ADGRB3: variants seen among roughly 807,000 people sequenced by gnomAD.
ADGRB3 encodes brain-specific angiogenesis inhibitor 3.
In ADGRB3, 37 loss-of-function variants were observed where a neutral mutation model predicts 193.4. The observed-to-expected ratio is 0.19, with a 90% CI of 0.15 to 0.25. ADGRB3 has a LOEUF of 0.25. Ranked by LOEUF, ADGRB3 falls within the 10% of genes least tolerant of loss-of-function variation. The pLI is 1.00. For missense variants in ADGRB3, 1,637 were observed against 1,852.9 expected, an observed-to-expected ratio of 0.88 and a Z score of 2.14; for synonymous variants, 690 against 644.2, an observed-to-expected ratio of 1.07 and a Z score of -1.08.
chr6:69,090,525 A>G (rs1772675261), intron 17 of ADGRB3, among the ~76,000 whole-genome samples: 2 of 152,212 alleles, frequency 1.3e-5, no homozygotes, highest in Non-Finnish European at 2.9e-5. Context: ...TCATTTATTC[A>G]TTTATTATTT....
chr6:69,233,069 C>G (rs1766182250), intron 17 of ADGRB3: 1 of 599,832 alleles, frequency 1.7e-6, no homozygotes, highest in Non-Finnish European at 2.8e-6. Flanking sequence ...CTGGACAGCT[C>G]TCTGCACGCC....
rs77947189 is a variant in ADGRB3, at chr6:68,714,367, ATT to A, written c.757+74943_757+74944del. Among the ~76,000 whole-genome samples, 3 of 151,126 alleles carry A rather than the reference ATT, an allele frequency of 2.0e-5. No individual in the cohort carries two copies. The South Asian group carries it at 6.3e-4, about 32-fold the overall frequency. ...AATAAGGAGATTTTTAATTAGTCAA[ATT>A]TTTTTTTGTCACCATATGGTGACAG... On this transcript the variant is annotated intron_variant, in intron 3 of 31. Coordinates refer to ENST00000370598, the MANE Select transcript of ADGRB3 (RefSeq NM_001704.3).
At chr6:68,637,351 TTAAC>T (rs1302747164) in intron 1 of ADGRB3, 36 bp from the exon 2 acceptor site, 1 of 152,686 alleles carries the variant, frequency 6.5e-6, no homozygotes, top group Non-Finnish European at 1.5e-5. Context: ...ATGAAAACTC[TTAAC>T]TATCTATATG....
intron 3 of ADGRB3, among the ~76,000 whole-genome samples, chr6:68,780,638 T>A (rs1766834978): frequency 1.3e-5 from 2 of 152,164 alleles, no homozygotes; most frequent in African/African-American, 4.8e-5. Flanking sequence ...CTATAAACTT[T>A]GTACTTCAAC....
At chr6:69,242,255 G>A (rs62406855) in intron 20 of ADGRB3, among the ~76,000 whole-genome samples, 20,528 of 151,824 alleles carry the variant, frequency 0.14, 1,448 homozygotes, top group Middle Eastern at 0.16. Context: ...GTAAAATATT[G>A]TTCAATAACT....
chr6:69,266,394 T>G (rs1767040098), intron 20 of ADGRB3, among the ~76,000 whole-genome samples: 1 of 151,986 alleles, frequency 6.6e-6, no homozygotes, highest in Admixed American at 6.6e-5. Context: ...GCCTCAAGTC[T>G]CTTGAAGCTT....
chr6:68,798,520 G>T (rs1268375332), intron 3 of ADGRB3, among the ~76,000 whole-genome samples: 2 of 150,808 alleles, frequency 1.3e-5, no homozygotes, highest in African/African-American at 4.9e-5. Flanking sequence ...ACATCACACA[G>T]TGGGGCCTGT....
chr6:69,011,943 C>T (rs533189556), intron 11 of ADGRB3, among the ~76,000 whole-genome samples: 20 of 152,108 alleles, frequency 1.3e-4, no homozygotes, highest in East Asian at 1.9e-4. Flanking sequence ...CTTCCCACTC[C>T]GATTTAGTAA....
At chr6:69,025,634 C>T (rs1291075353) in intron 13 of ADGRB3, among the ~76,000 whole-genome samples, 1 of 151,800 alleles carries the variant, frequency 6.6e-6, no homozygotes, top group Non-Finnish European at 1.5e-5. Context: ...CTCTTTACCA[C>T]CCTTGCTAAA....
intron 3 of ADGRB3, among the ~76,000 whole-genome samples, chr6:68,897,460 GGGAGGAAA>G (rs1442693289): frequency 7.7e-5 from 5 of 64,642 alleles, no homozygotes; most frequent in Admixed American, 1.6e-4. Context: ...GAGGGAGGGA[GGGAGGAAA>G]GGGAGGGAGG....
At chr6:69,247,855 G>T (rs1355503117) in intron 20 of ADGRB3, among the ~76,000 whole-genome samples, 1 of 151,926 alleles carries the variant, frequency 6.6e-6, no homozygotes, top group African/African-American at 2.4e-5. Context: ...CTTCATTTTT[G>T]GGGGCCCCAT....
intron 14 of ADGRB3, 137 bp downstream of exon 14, chr6:69,048,471 T>C (rs1458637515): frequency 1.1e-6 from 1 of 916,038 alleles, no homozygotes; most frequent in Non-Finnish European, 1.6e-6. Context: ...ATTTTCTAAA[T>C]ATGGACAACT....
At chr6:68,745,321 A>G (rs1766062603) in intron 3 of ADGRB3, among the ~76,000 whole-genome samples, 1 of 152,228 alleles carries the variant, frequency 6.6e-6, no homozygotes, top group Admixed American at 6.5e-5. Flanking sequence ...TGAGGACATT[A>G]TGCTAAGTGA....
At chr6:68,666,143 G>A (rs1462981318) in intron 3 of ADGRB3, among the ~76,000 whole-genome samples, 2 of 151,768 alleles carry the variant, frequency 1.3e-5, no homozygotes, top group African/African-American at 2.4e-5. Flanking sequence ...TCACAAACTA[G>A]CAGACCTGAG....
chr6:68,920,782 A>C (rs1422884076), intron 3 of ADGRB3, among the ~76,000 whole-genome samples: 2 of 151,686 alleles, frequency 1.3e-5, no homozygotes, highest in African/African-American at 4.9e-5. Context: ...AAAGAAGACA[A>C]ATGAAGAAAC....
At chr6:68,851,703 T>C (rs1183292741) in intron 3 of ADGRB3, among the ~76,000 whole-genome samples, 1 of 151,876 alleles carries the variant, frequency 6.6e-6, no homozygotes, top group East Asian at 1.9e-4. Flanking sequence ...TCCTACGGTT[T>C]TTCAATCTAT....
At chr6:69,000,206 GAA>G (rs149158207) in intron 11 of ADGRB3, among the ~76,000 whole-genome samples, 3,359 of 152,188 alleles carry the variant, frequency 0.022, 151 homozygotes, top group African/African-American at 0.077. Context: ...AAGAAACAAA[GAA>G]GGGATAATAG....
intron 3 of ADGRB3, among the ~76,000 whole-genome samples, chr6:68,696,395 G>T (rs1416176524): frequency 6.7e-6 from 1 of 150,278 alleles, no homozygotes; most frequent in Admixed American, 6.7e-5. Context: ...CTGTATTTTT[G>T]AAAATTGACA....
intron 17 of ADGRB3, among the ~76,000 whole-genome samples, chr6:69,174,785 TTAA>T (rs1775379060): frequency 6.6e-6 from 1 of 152,364 alleles, no homozygotes; most frequent in South Asian, 2.1e-4. Flanking sequence ...TTTTGACTTT[TTAA>T]TAATAGCTAT....
Sources: allele counts gnomAD v4.1 joint callset (sites outside exome capture counted in the v4.1 genomes callset), GRCh38; gene constraint gnomAD v4.1.1; transcripts MANE v1.5; gene names NCBI Gene and HGNC (gene_info 2026-07-23, HGNC 2026-07-21).